HMCN1: variants seen among roughly 807,000 people sequenced by gnomAD.
The protein encoded by HMCN1 is hemicentin-1.
In HMCN1, 321 loss-of-function variants were observed where a neutral mutation model predicts 625.9. That is an observed-to-expected ratio of 0.51 (90% CI 0.47 to 0.56). The LOEUF (loss-of-function observed/expected upper bound fraction) is 0.56, where lower values mean the gene tolerates loss of function less well. Among genes scored for constraint, HMCN1 ranks in the 20% least tolerant of loss-of-function variants. The pLI is 0.00. For missense variants in HMCN1, 6,588 were observed against 6,887.3 expected, an observed-to-expected ratio of 0.96 and a Z score of 1.54; for synonymous variants, 2,425 against 2,417.6, an observed-to-expected ratio of 1.00 and a Z score of -0.09.
At chr1:186,107,363 C>G (rs1259485812) in intron 70 of HMCN1, among the ~76,000 whole-genome samples, 1 of 152,064 alleles carries the variant, frequency 6.6e-6, no homozygotes, top group African/African-American at 2.4e-5. Context: ...TGATTAGTTT[C>G]TGCATTAATA....
At chr1:185,758,378 G>C (rs932023648) in intron 1 of HMCN1, among the ~76,000 whole-genome samples, 2 of 152,214 alleles carry the variant, frequency 1.3e-5, no homozygotes, top group Non-Finnish European at 2.9e-5. Context: ...GCTCATACCT[G>C]TAATCCCAGC....
chr1:186,113,854 C>G (rs1661001201), intron 72 of HMCN1, 125 bp from the exon 73 acceptor site: 1 of 1,062,298 alleles, frequency 9.4e-7, no homozygotes, highest in Non-Finnish European at 1.5e-6. Flanking sequence ...TTATACTAAC[C>G]TAGATTCTTG....
intron 17 of HMCN1, among the ~76,000 whole-genome samples, chr1:185,981,689 C>T (rs1387510530): frequency 6.6e-6 from 1 of 152,022 alleles, no homozygotes; most frequent in East Asian, 1.9e-4. Flanking sequence ...CTTCATTAGT[C>T]TACATACACG....
intron 102 of HMCN1, among the ~76,000 whole-genome samples, chr1:186,173,757 C>G (rs1652384640): frequency 6.6e-6 from 1 of 150,938 alleles, no homozygotes; most frequent in African/African-American, 2.4e-5. Flanking sequence ...TATGTATAAG[C>G]TTAACTAGAC....
In HMCN1 at chr1:186,095,333, C is replaced by G. The variant is rs1309057589; in HGVS notation, c.10385C>G (p.Thr3462Ser). Residue 3462 changes from threonine (T) to serine (S), a missense_variant, in exon 68 of 107, where the codon ACC becomes AGC. Physicochemically the swap from Thr to Ser is moderately conservative, Grantham distance 58. Around this residue, in one of 3 missense-constraint regions of HMCN1, gnomAD observed 4,628 missense variants for 4,853.1 expected, o/e 0.95. Coordinates refer to ENST00000271588, the MANE Select transcript of HMCN1 (RefSeq NM_031935.3). ...STSMACITDGTPAPSMAWLRD... is the reference protein window; with the variant it reads ...STSMACITDGSPAPSMAWLRD... ...TCTATGGCATGCATTACTGATGGAA[C>G]CCCAGCTCCCAGTATGGCCTGGCTT... 1.9e-6 allele frequency: 3 copies of G among 1,613,636 alleles called. No homozygotes were observed. Among genetic ancestry groups the G allele is most frequent in the Admixed American group, 3.3e-5 (2 of 59,870 alleles).
intron 1 of HMCN1, among the ~76,000 whole-genome samples, chr1:185,768,417 G>T (rs748440610): frequency 1.6e-4 from 25 of 152,248 alleles, no homozygotes; most frequent in South Asian, 4.2e-4. Flanking sequence ...GGGAGAAGTT[G>T]GCTTAATCCA....
intron 1 of HMCN1, among the ~76,000 whole-genome samples, chr1:185,754,863 T>C (rs1000824874): frequency 6.6e-6 from 1 of 151,992 alleles, no homozygotes; most frequent in Non-Finnish European, 1.5e-5. Flanking sequence ...AATAATAAAA[T>C]AAAATAAAAA....
intron 102 of HMCN1, among the ~76,000 whole-genome samples, chr1:186,173,233 T>C (rs1652342720): frequency 2.0e-5 from 3 of 151,414 alleles, no homozygotes; most frequent in African/African-American, 4.9e-5. Flanking sequence ...ATGATAGGAG[T>C]GGGAGATAGA....
At chr1:185,957,334 G>C (rs1262009112) in intron 11 of HMCN1, among the ~76,000 whole-genome samples, 1 of 152,082 alleles carries the variant, frequency 6.6e-6, no homozygotes, top group Non-Finnish European at 1.5e-5. Flanking sequence ...TACAAAATAG[G>C]CTAAAGCAAT....
intron 69 of HMCN1, among the ~76,000 whole-genome samples, chr1:186,106,379 A>G (rs181128798): frequency 1.8e-4 from 28 of 152,298 alleles, no homozygotes; most frequent in Non-Finnish European, 4.0e-4. Context: ...TATTTCTCAT[A>G]TTACATAACA....
intron 53 of HMCN1, among the ~76,000 whole-genome samples, chr1:186,075,179 C>A (rs1288951352): frequency 6.6e-6 from 1 of 151,988 alleles, no homozygotes; most frequent in Non-Finnish European, 1.5e-5. Context: ...AACTTTATAT[C>A]ATGAAGTTTT....
intron 1 of HMCN1, among the ~76,000 whole-genome samples, chr1:185,768,552 C>A (rs567925912): frequency 6.6e-6 from 1 of 152,194 alleles, no homozygotes; most frequent in Non-Finnish European, 1.5e-5. Context: ...TAAACAAATA[C>A]ACTTAAGGAA....
At chr1:186,088,782 T>C in intron 63 of HMCN1, 27 bp downstream of exon 63, 1 of 1,587,468 alleles carries the variant, frequency 6.3e-7, no homozygotes, top group Non-Finnish European at 8.6e-7. Context: ...ATGATCTATC[T>C]TCAATTTCTT....
chr1:185,760,268 A>T (rs186875947), intron 1 of HMCN1, among the ~76,000 whole-genome samples: 1 of 152,238 alleles, frequency 6.6e-6, no homozygotes, highest in Non-Finnish European at 1.5e-5. Flanking sequence ...GGAGCCAGTC[A>T]TCAAGTTGGA....
chr1:185,819,552 G>GA (rs1660059753), intron 1 of HMCN1, among the ~76,000 whole-genome samples: 1 of 151,964 alleles, frequency 6.6e-6, no homozygotes, highest in Non-Finnish European at 1.5e-5. Context: ...AGAAATTGGA[G>GA]AAAAATATCT....
Position 185,982,357 on chromosome 1 carries a change from C to T in HMCN1, c.2758C>T (p.Pro920Ser), listed in dbSNP as rs201809234. Residue 920 changes from proline to serine, a missense_variant, in exon 18 of 107, where the codon CCA becomes TCA. Coordinates refer to ENST00000271588, the MANE Select transcript of HMCN1 (RefSeq NM_031935.3). ...PCTLLAGNPI[P>S]ERRWIKNSAM... ...TACTCTGTTAGCTGGAAATCCCATT[C>T]CAGAACGTCGGTGGATTAAGAATTC... 3.2e-5 allele frequency: 52 copies of T among 1,613,550 alleles called. No homozygotes were observed. The East Asian group carries it at 1.1e-3, about 35-fold the overall frequency.
chr1:186,063,101 T>TATATATAC (rs1657858300), intron 48 of HMCN1, among the ~76,000 whole-genome samples: 1 of 136,494 alleles, frequency 7.3e-6, no homozygotes, highest in Admixed American at 7.3e-5. Flanking sequence ...TATATATATA[T>TATATATAC]ATCACATTTT....
At chr1:185,916,995 T>C (rs1666738345) in intron 6 of HMCN1, among the ~76,000 whole-genome samples, 1 of 152,142 alleles carries the variant, frequency 6.6e-6, no homozygotes, top group Non-Finnish European at 1.5e-5. Context: ...CACTCCCTTA[T>C]TACCCAGTAG....
At chr1:186,021,658 G>A (rs1241343215) in intron 35 of HMCN1, among the ~76,000 whole-genome samples, 1 of 152,120 alleles carries the variant, frequency 6.6e-6, no homozygotes, top group Non-Finnish European at 1.5e-5. Flanking sequence ...AATAGGTTAA[G>A]TGGGAGTTTA....
Sources: allele counts gnomAD v4.1 joint callset (sites outside exome capture counted in the v4.1 genomes callset), GRCh38; gene constraint gnomAD v4.1.1; regional missense constraint gnomAD v4.1.1; transcripts MANE v1.5; gene names NCBI Gene and HGNC (gene_info 2026-07-23, HGNC 2026-07-21).